The following DBI variants were observed in gnomAD, a reference collection of about 807,000 sequenced individuals.
The protein encoded by DBI is diazepam binding inhibitor, acyl-CoA binding protein.
In DBI, 12 loss-of-function variants were observed where a neutral mutation model predicts 13.0. That is an observed-to-expected ratio of 0.92 (90% CI 0.59 to 1.49). The LOEUF (loss-of-function observed/expected upper bound fraction) is 1.49. Among genes scored for constraint, DBI ranks in the 40% most tolerant of loss-of-function variants. The pLI is 0.00. For missense variants in DBI, 95 were observed against 104.8 expected (o/e 0.91, Z 0.41); for synonymous variants, 37 against 37.4 (o/e 0.99, Z 0.04).
intron 3 of DBI, among the ~76,000 whole-genome samples, chr2:119,371,668 C>T (rs1044672245): frequency 6.6e-6 from 1 of 152,244 alleles, no homozygotes; most frequent in Non-Finnish European, 1.5e-5. Context: ...GGGATACATT[C>T]AGTGTCCTTT....
At chr2:119,369,162 G>T (rs1320252497) in intron 2 of DBI, among the ~76,000 whole-genome samples, 1 of 152,186 alleles carries the variant, frequency 6.6e-6, no homozygotes, top group East Asian at 1.9e-4. Context: ...AGTTGAAGAA[G>T]GTCTTATGGC....
intron 2 of DBI, 54 bp downstream of exon 2, chr2:119,368,359 CT>C (rs1681243535): frequency 1.4e-6 from 2 of 1,395,838 alleles, no homozygotes; most frequent in African/African-American, 2.8e-5. Context: ...GGCTCAGCAG[CT>C]CAGACTGGAA....
chr2:119,370,901 G>C (rs1390585417), intron 3 of DBI, 99 bp downstream of exon 3: 2 of 1,123,018 alleles, frequency 1.8e-6, no homozygotes, highest in African/African-American at 1.6e-5. Context: ...AAAGTCAATG[G>C]GGCACGTGTG....
At chr2:119,369,732 G>C (rs1302749249) in intron 2 of DBI, among the ~76,000 whole-genome samples, 1 of 152,118 alleles carries the variant, frequency 6.6e-6, no homozygotes, top group Non-Finnish European at 1.5e-5. Context: ...GTTGTGGTGA[G>C]CCGAGGTCGC....
Position 119,372,380 on chromosome 2 carries a change from T to C in DBI, c.*62T>C. 1.5e-6 allele frequency: 2 copies of C among 1,303,500 alleles called. No individual in the cohort carries two copies. Among genetic ancestry groups the C allele is most frequent in the Non-Finnish European group, 2.2e-6 (2 of 898,880 alleles). The allele number at this position is 1,303,500 out of a possible 1,614,324, so 80.7% of individuals were successfully genotyped here. On this transcript the variant is annotated 3_prime_UTR_variant, in exon 4 of 4. Transcript: ENST00000355857. ...TAAACTGAGACAATGCCTTGTTTTT[T>C]TCTAATACCGTGGATGGTGGGAATT... is the stretch of plus-strand genomic sequence containing the variant.
chr2:119,372,355 T>C lies in DBI; in HGVS notation c.*37T>C, dbSNP rs749713771. 6.7e-7 allele frequency: 1 copy of C among 1,492,864 alleles called. No homozygotes were observed. The highest frequency in any genetic ancestry group is 9.3e-7 in the Non-Finnish European group (1 of 1,069,916). The allele number at this position is 1,492,864 out of a possible 1,614,324, so 92.5% of individuals were successfully genotyped here. A position where few individuals can be genotyped will look rare whatever the true frequency, so the allele number is the denominator to read the frequency against. On this transcript the variant is annotated 3_prime_UTR_variant, in exon 4 of 4. Transcript: ENST00000355857. ...TGGTTACTGTGCCATGTGTTTATCC[T>C]AAACTGAGACAATGCCTTGTTTTTT...
At chr2:119,368,431 A>T in intron 2 of DBI, 126 bp downstream of exon 2, 1 of 721,564 alleles carries the variant, frequency 1.4e-6, no homozygotes, top group Non-Finnish European at 2.5e-6. Flanking sequence ...GGGTATGGTG[A>T]TGGTTCCTGA....
intron 1 of DBI, chr2:119,367,485 G>A: frequency 1.3e-6 from 2 of 1,597,190 alleles, no homozygotes; most frequent in Non-Finnish European, 1.7e-6. Context: ...TACGGGGCCG[G>A]CTGCTCAGAG....
rs980776855 is a variant in DBI, at chr2:119,369,461, G to C, written c.127+1156G>C. Reference sequence around the variant, plus strand: ...ATGATAGTCCAAACACGATAGTTTAGTATAATAGCCAGTAGCCACATATGA... The same window carrying C: ...ATGATAGTCCAAACACGATAGTTTACTATAATAGCCAGTAGCCACATATGA... On this transcript the variant is annotated intron_variant, in intron 2 of 3. Transcript: ENST00000355857. Among the ~76,000 whole-genome samples, 4 of 152,200 alleles carry C rather than the reference G, an allele frequency of 2.6e-5. No homozygotes were observed. The East Asian group carries it at 7.7e-4, about 29-fold the overall frequency.
At chr2:119,367,988 C>T (rs1053250279) in intron 1 of DBI, 200 bp from the exon 2 acceptor site, 1 of 1,612,222 alleles carries the variant, frequency 6.2e-7, no homozygotes, top group Non-Finnish European at 8.5e-7. Context: ...GGGGCTTCCC[C>T]TTCTTGTGTT....
chr2:119,368,030 G>A (rs1681193093), intron 1 of DBI, 158 bp from the exon 2 acceptor site: 1 of 1,578,224 alleles, frequency 6.3e-7, no homozygotes, highest in Admixed American at 1.7e-5. Context: ...TGTTGGGGCA[G>A]GGAGGGGCAG....
chr2:119,370,795 G>C lies in DBI; in HGVS notation c.183G>C (p.Glu61Asp). ...AGGCCAAGTGGGATGCCTGGAATGAGCTGAAAGGTAATTGTTCTAATCAAT... is the reference window on the plus strand; with the variant it reads ...AGGCCAAGTGGGATGCCTGGAATGACCTGAAAGGTAATTGTTCTAATCAAT... ...TGKAKWDAWN[E>D]LKGTSKEDAM... The change falls in exon 3 of 4, where the codon GAG becomes GAC. Residue 61 changes from glutamate (E) to aspartate (D), a missense_variant. Physicochemically the swap from Glu to Asp is conservative, Grantham distance 45. Coordinates refer to ENST00000355857, the MANE Select transcript of DBI (RefSeq NM_001079862.4). 6.2e-7 allele frequency: 1 copy of C among 1,613,794 alleles called. No individual in the cohort carries two copies. The highest frequency in any genetic ancestry group is 8.5e-7 in the Non-Finnish European group (1 of 1,179,760).
intron 2 of DBI, among the ~76,000 whole-genome samples, chr2:119,369,661 C>T (rs763615816): frequency 3.2e-4 from 48 of 152,114 alleles, no homozygotes; most frequent in Non-Finnish European, 6.5e-4. Flanking sequence ...TGGCATATGC[C>T]TGTAGTCCCA....
intron 3 of DBI, among the ~76,000 whole-genome samples, chr2:119,371,354 A>T (rs1307533585): frequency 1.3e-5 from 2 of 152,262 alleles, no homozygotes; most frequent in East Asian, 3.8e-4. Context: ...GCAAGACCCA[A>T]GAGTTGGCAC....
intron 2 of DBI, 144 bp from the exon 3 acceptor site, chr2:119,370,596 C>A: frequency 1.6e-6 from 1 of 609,350 alleles, no homozygotes; most frequent in Non-Finnish European, 2.8e-6. Context: ...TAGGGCAGAA[C>A]CCACTCTACT....
At chr2:119,367,962 G>C (rs1681183470) in intron 1 of DBI, 2 of 1,614,060 alleles carry the variant, frequency 1.2e-6, no homozygotes, top group Non-Finnish European at 1.7e-6. Context: ...GTTTTCGATT[G>C]AATGAGTGAA....
intron 1 of DBI, chr2:119,367,485 G>T: frequency 6.3e-7 from 1 of 1,597,194 alleles, no homozygotes; most frequent in African/African-American, 1.3e-5. Context: ...TACGGGGCCG[G>T]CTGCTCAGAG....
At chr2:119,370,643 C>G (rs1681443851) in intron 2 of DBI, 97 bp from the exon 3 acceptor site, 1 of 1,114,568 alleles carries the variant, frequency 9.0e-7, no homozygotes, top group Admixed American at 2.0e-5. Context: ...CTAGAAGGAA[C>G]AGGTGTAATA....
intron 1 of DBI, 146 bp downstream of exon 1, chr2:119,367,206 C>T: frequency 6.9e-7 from 1 of 1,459,416 alleles, no homozygotes. Context: ...ATTCGTTGGA[C>T]AGAGCCTTGT....
Sources: allele counts gnomAD v4.1 joint callset (sites outside exome capture counted in the v4.1 genomes callset), GRCh38; gene constraint gnomAD v4.1.1; transcripts MANE v1.5; gene names NCBI Gene and HGNC (gene_info 2026-07-23, HGNC 2026-07-21).